Variants in CSMD1 observed in about 807,000 individuals in gnomAD.
CSMD1 encodes CUB and Sushi multiple domains 1.
A neutral mutation model predicts 417.5 loss-of-function variants in CSMD1; 213 were observed. The ratio of observed to expected loss-of-function variants is 0.51; its 90% CI spans 0.46 to 0.57. The LOEUF is 0.57. CSMD1 is among the 20% of genes least tolerant of loss of function. The pLI is 0.00. For synonymous variants in CSMD1, 2,862 were observed against 1,736.8 expected (o/e 1.65, Z -16.11); for missense variants, 6,923 against 4,529.7 (o/e 1.53, Z -15.17).
In CSMD1 at chr8:4,020,399, C is replaced by A. The variant is rs1423135646; in HGVS notation, c.610+11506G>T. 3.3e-5 allele frequency among the ~76,000 whole-genome samples: 5 copies of A among 152,284 alleles called. No homozygotes were observed. The East Asian group carries it at 9.6e-4, about 29-fold the overall frequency. ...ATTTAATCCTTAAACTGACACTGAGCATGACATCTGTTCAAAATATTTACT... is the reference window on the plus strand; with the variant it reads ...ATTTAATCCTTAAACTGACACTGAGAATGACATCTGTTCAAAATATTTACT... On this transcript the variant is annotated intron_variant, in intron 4 of 69. Coordinates refer to ENST00000635120, the MANE Select transcript of CSMD1 (RefSeq NM_033225.6).
chr8:3,234,632 C>T (rs1799042685), intron 26 of CSMD1, among the ~76,000 whole-genome samples: 2 of 152,160 alleles, frequency 1.3e-5, no homozygotes, highest in Admixed American at 1.3e-4. Context: ...ACAGGGAAAT[C>T]CAAGCATATT....
chr8:4,867,356 C>A (rs1802476955), intron 1 of CSMD1, among the ~76,000 whole-genome samples: 1 of 152,052 alleles, frequency 6.6e-6, no homozygotes, highest in African/African-American at 2.4e-5. Flanking sequence ...TTTCTTTCCT[C>A]TTTAAATAGT....
intron 1 of CSMD1, among the ~76,000 whole-genome samples, chr8:4,917,809 A>C (rs12156234): frequency 0.58 from 87,767 of 151,944 alleles, 25,804 homozygotes; most frequent in East Asian, 0.83. Context: ...CAAGATAGGA[A>C]CAGAGTGTGG....
At chr8:3,915,478 T>A (rs1048683638) in intron 5 of CSMD1, among the ~76,000 whole-genome samples, 1 of 149,630 alleles carries the variant, frequency 6.7e-6, no homozygotes, top group Non-Finnish European at 1.5e-5. Context: ...TTCAGGGAAG[T>A]GCAGGAAAGG....
intron 10 of CSMD1, among the ~76,000 whole-genome samples, chr8:3,554,399 G>A (rs181856489): frequency 6.6e-6 from 1 of 152,336 alleles, no homozygotes; most frequent in East Asian, 1.9e-4. Context: ...GGAAGACAAT[G>A]AAGCCCCCTC....
intron 1 of CSMD1, among the ~76,000 whole-genome samples, chr8:4,904,067 G>C (rs945452581): frequency 1.3e-5 from 2 of 151,914 alleles, no homozygotes; most frequent in Non-Finnish European, 2.9e-5. Context: ...TTTGAGAAAG[G>C]ACTTACCATG....
chr8:3,823,977 T>C (rs1260012613), intron 5 of CSMD1, among the ~76,000 whole-genome samples: 1 of 152,202 alleles, frequency 6.6e-6, no homozygotes, highest in Non-Finnish European at 1.5e-5. Context: ...TTTCAAATAG[T>C]TCTGAAACCT....
chr8:3,037,177 G>C (rs1052010415), intron 50 of CSMD1, among the ~76,000 whole-genome samples: 3 of 151,986 alleles, frequency 2.0e-5, no homozygotes, highest in Non-Finnish European at 4.4e-5. Flanking sequence ...TGGCTGAGCA[G>C]TATTTCATAG....
rs769039080 is a variant in CSMD1 at position 3,997,973 on chromosome 8, A to T, written c.748T>A (p.Phe250Ile). ...CCTTCTTCTAGCTGAAAGTCAGTGA[A>T]GACCAGCGCAATGGTGTCCCCGGGC... ...AEPGDTIALV[F>I]TDFQLEEGYD... is the part of the protein sequence containing the mutation. Residue 250 changes from phenylalanine to isoleucine, a missense_variant, in exon 5 of 70, where the codon TTC becomes ATC. Physicochemically the swap from Phe to Ile is conservative, Grantham distance 21 (BLOSUM62 0). Coordinates refer to ENST00000635120, the MANE Select transcript of CSMD1 (RefSeq NM_033225.6). The T allele has an allele frequency of 5.0e-6, 8 of 1,611,422 alleles. No homozygotes were observed. The highest frequency in any genetic ancestry group is 6.8e-6 in the Non-Finnish European group (8 of 1,178,734).
intron 3 of CSMD1, among the ~76,000 whole-genome samples, chr8:4,340,912 C>G (rs921276816): frequency 6.6e-6 from 1 of 151,998 alleles, no homozygotes; most frequent in Admixed American, 6.6e-5. Context: ...AGTGGGAACT[C>G]AAGCGGAGAG....
intron 11 of CSMD1, among the ~76,000 whole-genome samples, chr8:3,490,201 G>A (rs1237103545): frequency 1.3e-5 from 2 of 152,140 alleles, no homozygotes; most frequent in East Asian, 3.9e-4. Flanking sequence ...TAAATGCCCA[G>A]CTGATCCCGG....
At chr8:4,580,768 C>T (rs1450218191) in intron 2 of CSMD1, among the ~76,000 whole-genome samples, 4 of 152,228 alleles carry the variant, frequency 2.6e-5, no homozygotes, top group African/African-American at 7.2e-5. Context: ...GTTCTCCTAA[C>T]ATTTTATTTC....
At chr8:4,795,508 C>T (rs1797930547) in intron 1 of CSMD1, among the ~76,000 whole-genome samples, 1 of 151,588 alleles carries the variant, frequency 6.6e-6, no homozygotes, top group Admixed American at 6.6e-5. Flanking sequence ...CTGACCTGCC[C>T]ACCTCGGCCT....
At chr8:4,187,429 C>T (rs1009416692) in intron 3 of CSMD1, among the ~76,000 whole-genome samples, 4 of 151,912 alleles carry the variant, frequency 2.6e-5, no homozygotes, top group Non-Finnish European at 5.9e-5. Context: ...GGCAGATCAC[C>T]TGAGGTCAGG....
chr8:3,211,766 G>C (rs1296810467), intron 30 of CSMD1, among the ~76,000 whole-genome samples: 1 of 152,190 alleles, frequency 6.6e-6, no homozygotes, highest in Admixed American at 6.5e-5. Flanking sequence ...GCCATGCCTC[G>C]TCCAGAAGGG....
intron 5 of CSMD1, among the ~76,000 whole-genome samples, chr8:3,814,058 T>C (rs968854268): frequency 6.6e-6 from 1 of 152,202 alleles, no homozygotes; most frequent in African/African-American, 2.4e-5. Flanking sequence ...ATGCTTATTA[T>C]TCTGCAAAAT....
At chr8:3,250,676 C>G (rs1024471342) in intron 26 of CSMD1, among the ~76,000 whole-genome samples, 7 of 152,232 alleles carry the variant, frequency 4.6e-5, no homozygotes. Context: ...GTCCCACCAA[C>G]AGTGTAAAAG....
intron 3 of CSMD1, among the ~76,000 whole-genome samples, chr8:4,308,181 T>A (rs955549982): frequency 6.6e-6 from 1 of 152,130 alleles, no homozygotes; most frequent in African/African-American, 2.4e-5. Flanking sequence ...AATATCTCTG[T>A]GAGTTAGGAG....
intron 3 of CSMD1, among the ~76,000 whole-genome samples, chr8:4,337,120 C>T (rs1337145018): frequency 1.3e-5 from 2 of 152,114 alleles, no homozygotes; most frequent in Non-Finnish European, 2.9e-5. Flanking sequence ...GAGACCGAAG[C>T]ATTTAAGTGG....
Sources: allele counts gnomAD v4.1 joint callset (sites outside exome capture counted in the v4.1 genomes callset), GRCh38; gene constraint gnomAD v4.1.1; transcripts MANE v1.5; gene names NCBI Gene and HGNC (gene_info 2026-07-23, HGNC 2026-07-21).